GNAQ: variants seen among roughly 807,000 people sequenced by gnomAD.
GNAQ encodes the protein G protein subunit alpha q, also known as guanine nucleotide-binding protein G(q) subunit alpha.
A neutral mutation model predicts 43.9 loss-of-function variants in GNAQ; 8 were observed. That is an observed-to-expected ratio of 0.18 (90% CI 0.11 to 0.33). GNAQ has a LOEUF of 0.33. Among genes scored for constraint, GNAQ ranks in the 10% least tolerant of loss-of-function variants. The probability of loss-of-function intolerance (pLI) is 1.00; values close to 1 mark genes in which losing one functional copy is unlikely to be tolerated. For missense variants in GNAQ, 158 were observed against 450.8 expected, an observed-to-expected ratio of 0.35 and a Z score of 5.88; for synonymous variants, 155 against 170.7, an observed-to-expected ratio of 0.91 and a Z score of 0.71.
chr9:77,978,257 G>A (rs1161709627), intron 1 of GNAQ, among the ~76,000 whole-genome samples: 3 of 152,028 alleles, frequency 2.0e-5, no homozygotes, highest in Non-Finnish European at 2.9e-5. Flanking sequence ...CGCCTCCCCC[G>A]TATCTAACTC....
intron 6 of GNAQ, among the ~76,000 whole-genome samples, chr9:77,725,077 A>G (rs989420541): frequency 6.6e-6 from 1 of 151,996 alleles, no homozygotes; most frequent in Non-Finnish European, 1.5e-5. Context: ...GGAAGGGACT[A>G]TACCTTTTTT....
intron 3 of GNAQ, among the ~76,000 whole-genome samples, chr9:77,806,765 G>A (rs1162426874): frequency 1.3e-5 from 2 of 152,206 alleles, no homozygotes; most frequent in African/African-American, 4.8e-5. Context: ...AAAGTCTACA[G>A]TAAGCTAGGC....
intron 2 of GNAQ, among the ~76,000 whole-genome samples, chr9:77,920,375 G>A (rs1235284072): frequency 6.6e-6 from 1 of 152,128 alleles, no homozygotes. Context: ...ATATTTTAGT[G>A]TGTAAACTGG....
At chr9:77,768,627 C>T (rs1022000639) in intron 5 of GNAQ, among the ~76,000 whole-genome samples, 1 of 152,132 alleles carries the variant, frequency 6.6e-6, no homozygotes, top group Non-Finnish European at 1.5e-5. Flanking sequence ...TTGAAGCATC[C>T]CTTTATTTTG....
chr9:77,948,522 G>A (rs1020801965), intron 1 of GNAQ, among the ~76,000 whole-genome samples: 2 of 152,140 alleles, frequency 1.3e-5, no homozygotes, highest in Non-Finnish European at 2.9e-5. Context: ...ACAGAGGGGG[G>A]GCAGATGACT....
chr9:77,929,110 C>T (rs182950551), intron 1 of GNAQ, among the ~76,000 whole-genome samples: 32 of 152,264 alleles, frequency 2.1e-4, no homozygotes, highest in African/African-American at 7.2e-4. Context: ...ATTTGGAGAA[C>T]AGGAAGTTTA....
intron 5 of GNAQ, among the ~76,000 whole-genome samples, chr9:77,732,160 C>T (rs143314959): frequency 6.6e-6 from 1 of 152,246 alleles, no homozygotes; most frequent in African/African-American, 2.4e-5. Context: ...TTTGTGGCAC[C>T]TGCTTTGCAG....
chr9:77,832,411 G>GT (rs1827313784), intron 2 of GNAQ, among the ~76,000 whole-genome samples: 1 of 152,148 alleles, frequency 6.6e-6, no homozygotes, highest in African/African-American at 2.4e-5. Flanking sequence ...TACACTACAG[G>GT]GTGGGAACAA....
intron 5 of GNAQ, among the ~76,000 whole-genome samples, chr9:77,767,249 T>C (rs1035843831): frequency 3.9e-5 from 6 of 152,074 alleles, no homozygotes; most frequent in Admixed American, 6.6e-5. Context: ...TGATTATGTG[T>C]TGTGAGGGGC....
At chr9:77,735,013 C>T (rs1004668062) in intron 5 of GNAQ, among the ~76,000 whole-genome samples, 5 of 152,168 alleles carry the variant, frequency 3.3e-5, no homozygotes, top group African/African-American at 4.8e-5. Flanking sequence ...GGCCTCATTC[C>T]ATACACTGTA....
At chr9:77,976,461 C>T (rs1391608820) in intron 1 of GNAQ, among the ~76,000 whole-genome samples, 2 of 152,098 alleles carry the variant, frequency 1.3e-5, no homozygotes, top group African/African-American at 4.8e-5. Flanking sequence ...GGCACGATCT[C>T]AACTCAGTGC....
chr9:78,020,583 G>A (rs7028424), intron 1 of GNAQ, among the ~76,000 whole-genome samples: 67,865 of 151,978 alleles, frequency 0.45, 15,533 homozygotes, highest in Admixed American at 0.51. Flanking sequence ...ACACGTGGTA[G>A]GATGGTGGAG....
At chr9:77,835,604 A>G (rs1827371479) in intron 2 of GNAQ, among the ~76,000 whole-genome samples, 1 of 152,220 alleles carries the variant, frequency 6.6e-6, no homozygotes, top group African/African-American at 2.4e-5. Flanking sequence ...TGGACTGTGC[A>G]CCAGGCAGGC....
chr9:77,791,726 T>C (rs901108376), intron 5 of GNAQ, among the ~76,000 whole-genome samples: 1 of 152,228 alleles, frequency 6.6e-6, no homozygotes, highest in African/African-American at 2.4e-5. Flanking sequence ...GCTGCTTTTG[T>C]CTGTGGTCTG....
chr9:77,922,235 T>C lies in GNAQ; in HGVS notation c.247A>G (p.Ile83Val), dbSNP rs1647480962. Residue 83 changes from isoleucine to valine, a missense_variant, in exon 2 of 7, where the codon ATC (isoleucine) becomes GTC (valine). Around this residue, in one of 9 missense-constraint regions of GNAQ, gnomAD observed 57 missense variants for 78.2 expected, o/e 0.73. Transcript: ENST00000286548. The part of the protein sequence containing the change: ...RGFTKLVYQN[I>V]FTAMQAMIRA... ...ATCATGGCCTGCATGGCCGTGAAGA[T>C]GTTCTGATACACCAGCTTGGTGAAG... 1.2e-6 allele frequency: 2 copies of C among 1,613,622 alleles called. No homozygotes were observed. The highest frequency in any genetic ancestry group is 8.5e-7 in the Non-Finnish European group (1 of 1,179,536).
chr9:77,846,275 G>A (rs1364795817), intron 2 of GNAQ, among the ~76,000 whole-genome samples: 1 of 152,180 alleles, frequency 6.6e-6, no homozygotes, highest in African/African-American at 2.4e-5. Flanking sequence ...ATTCCACAAG[G>A]TAACAGCTGG....
chr9:77,779,381 A>T (rs1826352670), intron 5 of GNAQ, among the ~76,000 whole-genome samples: 1 of 151,988 alleles, frequency 6.6e-6, no homozygotes, highest in Non-Finnish European at 1.5e-5. Flanking sequence ...AATACAACTT[A>T]TCAAAATTTG....
intron 2 of GNAQ, among the ~76,000 whole-genome samples, chr9:77,882,852 A>C (rs1385579981): frequency 2.0e-5 from 3 of 152,152 alleles, no homozygotes; most frequent in Non-Finnish European, 2.9e-5. Flanking sequence ...TGCAGATGAG[A>C]TACACAGGAA....
intron 5 of GNAQ, among the ~76,000 whole-genome samples, chr9:77,793,978 A>G (rs1478270286): frequency 6.6e-6 from 1 of 152,162 alleles, no homozygotes; most frequent in Non-Finnish European, 1.5e-5. Context: ...CGCATCACCA[A>G]GATATTCCAT....
Sources: allele counts gnomAD v4.1 joint callset (sites outside exome capture counted in the v4.1 genomes callset), GRCh38; gene constraint gnomAD v4.1.1; regional missense constraint gnomAD v4.1.1; transcripts MANE v1.5; gene names NCBI Gene and HGNC (gene_info 2026-07-23, HGNC 2026-07-21).